FGD5: variants seen among roughly 807,000 people sequenced by gnomAD.
FGD5 encodes FYVE, RhoGEF and PH domain containing 5.
In FGD5, 28 loss-of-function variants were observed where a neutral mutation model predicts 133.4. The ratio of observed to expected loss-of-function variants is 0.21; its 90% confidence interval spans 0.16 to 0.29. FGD5 has a LOEUF of 0.29. Ranked by LOEUF, FGD5 falls within the 10% of genes least tolerant of loss-of-function variation. The pLI, the probability that FGD5 is intolerant of heterozygous loss-of-function variation, is 1.00. For synonymous variants in FGD5, 810 were observed against 776.5 expected (o/e 1.04, Z -0.72); for missense variants, 1,858 against 1,895.2 (o/e 0.98, Z 0.36).
intron 2 of FGD5, among the ~76,000 whole-genome samples, chr3:14,875,611 C>G (rs2037702396): frequency 1.3e-5 from 2 of 152,092 alleles, no homozygotes; most frequent in African/African-American, 4.8e-5. Context: ...CTCAAGGGTG[C>G]AGGTGACAGA....
At chr3:14,888,621 C>G (rs886515819) in intron 4 of FGD5, among the ~76,000 whole-genome samples, 7 of 152,196 alleles carry the variant, frequency 4.6e-5, no homozygotes, top group Admixed American at 2.6e-4. Context: ...AAAGACATTT[C>G]TGAGATTAGA....
intron 4 of FGD5, chr3:14,882,495 C>T (rs1441704519): frequency 3.0e-5 from 8 of 268,960 alleles, no homozygotes; most frequent in South Asian, 2.8e-4. Flanking sequence ...ATCAGGAGTT[C>T]GAGACCAGCC....
chr3:14,835,529 A>T (rs1329439180), intron 1 of FGD5, among the ~76,000 whole-genome samples: 2 of 151,644 alleles, frequency 1.3e-5, no homozygotes, highest in African/African-American at 4.8e-5. Context: ...AAGAAAAGAA[A>T]GCTGCACTAC....
chr3:14,897,110 C>T (rs1488955291), intron 4 of FGD5: 4 of 187,648 alleles, frequency 2.1e-5, no homozygotes, highest in African/African-American at 9.6e-5. Context: ...CGTTTTGAAA[C>T]AACATAGCTC....
chr3:14,827,811 C>T (rs1456743524), intron 1 of FGD5, among the ~76,000 whole-genome samples: 1 of 152,088 alleles, frequency 6.6e-6, no homozygotes, highest in Non-Finnish European at 1.5e-5. Flanking sequence ...TTGGAGCATG[C>T]CGTCTGTTTG....
At chr3:14,838,970 C>G (rs2036867136) in intron 1 of FGD5, among the ~76,000 whole-genome samples, 1 of 152,140 alleles carries the variant, frequency 6.6e-6, no homozygotes, top group African/African-American at 2.4e-5. Context: ...TCTTTGGGGT[C>G]TTAGGAATAC....
At chr3:14,888,479 A>G (rs1191687447) in intron 4 of FGD5, among the ~76,000 whole-genome samples, 1 of 152,250 alleles carries the variant, frequency 6.6e-6, no homozygotes, top group Non-Finnish European at 1.5e-5. Context: ...CTGGCTAAAC[A>G]TGGCGTATTT....
chr3:14,891,582 C>T (rs2038028362), intron 4 of FGD5, among the ~76,000 whole-genome samples: 1 of 152,164 alleles, frequency 6.6e-6, no homozygotes, highest in South Asian at 2.1e-4. Context: ...TGGGGCTGGC[C>T]AGTCTCGGGC....
At chr3:14,901,137 G>C in intron 9 of FGD5, 76 bp downstream of exon 9, 1 of 1,477,008 alleles carries the variant, frequency 6.8e-7, no homozygotes, top group Non-Finnish European at 9.5e-7. Context: ...TCAGCCTTCT[G>C]ATGCCCCACT....
At chr3:14,895,810 C>G (rs927032479) in intron 4 of FGD5, among the ~76,000 whole-genome samples, 7 of 152,190 alleles carry the variant, frequency 4.6e-5, no homozygotes, top group South Asian at 4.2e-4. Flanking sequence ...TGCAAGTGAT[C>G]CCTCATCTTT....
chr3:14,925,393 G>A (rs1186638478), intron 17 of FGD5, among the ~76,000 whole-genome samples: 2 of 151,804 alleles, frequency 1.3e-5, no homozygotes, highest in African/African-American at 4.9e-5. Flanking sequence ...TCACATATAT[G>A]TATAAACCTC....
intron 4 of FGD5, among the ~76,000 whole-genome samples, chr3:14,896,771 C>G (rs1278551745): frequency 6.6e-6 from 1 of 152,038 alleles, no homozygotes; most frequent in Non-Finnish European, 1.5e-5. Context: ...GTGCCCAGCT[C>G]CCAGATATAA....
intron 7 of FGD5, 132 bp downstream of exon 7, chr3:14,898,958 C>A: frequency 1.3e-6 from 1 of 750,140 alleles, no homozygotes; most frequent in Non-Finnish European, 2.2e-6. Flanking sequence ...TGACCTCTGC[C>A]ATCACCTTTC....
chr3:14,828,055 T>G (rs2036636229), intron 1 of FGD5, among the ~76,000 whole-genome samples: 1 of 151,462 alleles, frequency 6.6e-6, no homozygotes, highest in Non-Finnish European at 1.5e-5. Flanking sequence ...CCCAGGAGAG[T>G]GAATGTGTTG....
intron 4 of FGD5, among the ~76,000 whole-genome samples, chr3:14,884,960 C>G (rs917103383): frequency 4.6e-5 from 7 of 152,066 alleles, no homozygotes; most frequent in Admixed American, 4.6e-4. Flanking sequence ...CTAGAGAAAG[C>G]AGTCTTGCAA....
chr3:14,824,615 T>G (rs1357138720), intron 1 of FGD5, among the ~76,000 whole-genome samples: 4 of 152,210 alleles, frequency 2.6e-5, no homozygotes, highest in Non-Finnish European at 5.9e-5. Flanking sequence ...TGCTCATCTG[T>G]AAAATGGTAA....
intron 1 of FGD5, among the ~76,000 whole-genome samples, chr3:14,812,909 G>A (rs1203143452): frequency 2.0e-5 from 3 of 152,190 alleles, no homozygotes; most frequent in Non-Finnish European, 4.4e-5. Context: ...GCTTTTAGGT[G>A]TTTTACTTCT....
chr3:14,865,442 C>G (rs754860335), intron 2 of FGD5, among the ~76,000 whole-genome samples: 41 of 152,160 alleles, frequency 2.7e-4, no homozygotes, highest in Non-Finnish European at 4.6e-4. Flanking sequence ...AAGTTACCTA[C>G]CAAGTGCTAC....
intron 1 of FGD5, among the ~76,000 whole-genome samples, chr3:14,812,881 T>G (rs1228343062): frequency 6.6e-6 from 1 of 152,270 alleles, no homozygotes; most frequent in Admixed American, 6.5e-5. Context: ...TATTGGGTAC[T>G]TAATATGACT....
Sources: allele counts gnomAD v4.1 joint callset (sites outside exome capture counted in the v4.1 genomes callset), GRCh38; gene constraint gnomAD v4.1.1; transcripts MANE v1.5; gene names NCBI Gene and HGNC (gene_info 2026-07-23, HGNC 2026-07-21).